UBAC2: variants seen among roughly 807,000 people sequenced by gnomAD.
The protein encoded by UBAC2 is ubiquitin-associated domain-containing protein 2.
In UBAC2, 26 loss-of-function variants were observed where a neutral mutation model predicts 44.0. The ratio of observed to expected loss-of-function variants is 0.59; its 90% confidence interval spans 0.43 to 0.82. The LOEUF is 0.82. Among genes scored for constraint, UBAC2 ranks in the 40% least tolerant of loss-of-function variants. UBAC2 has a pLI of 0.00. For missense variants in UBAC2, 329 were observed against 419.4 expected, an observed-to-expected ratio of 0.78 and a Z score of 1.88; for synonymous variants, 155 against 154.3, an observed-to-expected ratio of 1.00 and a Z score of -0.04.
At chr13:99,250,271 T>G (rs2043441336) in intron 4 of UBAC2, among the ~76,000 whole-genome samples, 1 of 152,232 alleles carries the variant, frequency 6.6e-6, no homozygotes. Context: ...TTTCATTTTC[T>G]GCATATGACT....
intron 1 of UBAC2, among the ~76,000 whole-genome samples, chr13:99,234,120 A>C (rs2043206532): frequency 1.4e-5 from 2 of 147,020 alleles, no homozygotes; most frequent in Non-Finnish European, 3.0e-5. Flanking sequence ...ATTGAGATGC[A>C]CTTTATTTTT....
chr13:99,204,383 CA>C (rs1259884164), intron 1 of UBAC2, among the ~76,000 whole-genome samples: 1 of 152,056 alleles, frequency 6.6e-6, no homozygotes, highest in African/African-American at 2.4e-5. Context: ...AGAGCCTGGA[CA>C]GGGCTTGGCA....
chr13:99,232,264 T>G (rs1048096240), intron 1 of UBAC2, among the ~76,000 whole-genome samples: 1 of 151,910 alleles, frequency 6.6e-6, no homozygotes, highest in African/African-American at 2.4e-5. Context: ...TATTCAAAAA[T>G]TTTAACTGAG....
At chr13:99,214,247 A>G (rs1169009089) in intron 1 of UBAC2, among the ~76,000 whole-genome samples, 3 of 145,998 alleles carry the variant, frequency 2.1e-5, no homozygotes, top group Non-Finnish European at 4.5e-5. Context: ...TTTTCCTGGA[A>G]TCCCTCCTGG....
intron 4 of UBAC2, among the ~76,000 whole-genome samples, chr13:99,303,668 A>G (rs1160475587): frequency 1.3e-5 from 2 of 152,218 alleles, no homozygotes; most frequent in Non-Finnish European, 2.9e-5. Flanking sequence ...CTCTGTGTCT[A>G]TAATATTTCT....
intron 4 of UBAC2, chr13:99,313,225 C>T (rs972157973): frequency 6.6e-6 from 1 of 152,166 alleles, no homozygotes; most frequent in African/African-American, 2.4e-5. Flanking sequence ...ACCTCATGAT[C>T]CGCCCGCCTC....
chr13:99,228,162 G>A (rs115487896), intron 1 of UBAC2, among the ~76,000 whole-genome samples: 1,784 of 152,234 alleles, frequency 0.012, 36 homozygotes, highest in African/African-American at 0.04. Flanking sequence ...CAAGCTGCCC[G>A]TTGCACTTAC....
intron 4 of UBAC2, among the ~76,000 whole-genome samples, chr13:99,274,213 C>T (rs1018827509): frequency 6.6e-6 from 1 of 152,052 alleles, no homozygotes; most frequent in African/African-American, 2.4e-5. Context: ...CTGTATCTTG[C>T]TTATTTTTTT....
Position 99,364,613 on chromosome 13 carries a change from C to A in UBAC2, c.808-3174C>A, listed in dbSNP as rs901519515. 3.9e-5 allele frequency among the ~76,000 whole-genome samples: 6 copies of A among 152,116 alleles called. No homozygotes were observed. The East Asian group carries it at 1.2e-3, about 29-fold the overall frequency. ...GTCATTAAAGATTTCATACACTTCA[C>A]CTGTAGGTTTTTGGTGGGTAGATTT... On this transcript the variant is annotated intron_variant, in intron 7 of 8. Coordinates refer to ENST00000403766, the MANE Select transcript of UBAC2 (RefSeq NM_001144072.2).
At chr13:99,288,507 TA>T (rs1414947399) in intron 4 of UBAC2, among the ~76,000 whole-genome samples, 1 of 152,224 alleles carries the variant, frequency 6.6e-6, no homozygotes, top group Admixed American at 6.5e-5. Flanking sequence ...TTCTTCTTTC[TA>T]ACAACTACAG....
At chr13:99,215,042 AAAT>A (rs2042976153) in intron 1 of UBAC2, among the ~76,000 whole-genome samples, 2 of 151,848 alleles carry the variant, frequency 1.3e-5, no homozygotes, top group African/African-American at 4.8e-5. Flanking sequence ...ACCACAGTGG[AAAT>A]AATGTCTGTA....
At chr13:99,314,775 G>C (rs1236317824) in intron 5 of UBAC2, 2 of 152,182 alleles carry the variant, frequency 1.3e-5, no homozygotes, top group Admixed American at 6.6e-5. Flanking sequence ...TACTGTCCAG[G>C]TTACATTTGA....
chr13:99,357,830 T>C (rs2045209495), intron 7 of UBAC2, among the ~76,000 whole-genome samples: 1 of 152,244 alleles, frequency 6.6e-6, no homozygotes, highest in South Asian at 2.1e-4. Context: ...AACTACAGTC[T>C]TGGCTAAGAA....
At chr13:99,238,088 C>G (rs1210000252) in intron 1 of UBAC2, among the ~76,000 whole-genome samples, 1 of 152,214 alleles carries the variant, frequency 6.6e-6, no homozygotes, top group Non-Finnish European at 1.5e-5. Flanking sequence ...CAGGAGCTAA[C>G]TGGCTGATTT....
At chr13:99,299,602 GAATA>G (rs1437881511) in intron 4 of UBAC2, among the ~76,000 whole-genome samples, 3 of 152,150 alleles carry the variant, frequency 2.0e-5, no homozygotes, top group East Asian at 3.8e-4. Context: ...TGACTGGAAT[GAATA>G]AATAGGTAAA....
At chr13:99,248,305 C>T (rs1246135881) in intron 4 of UBAC2, among the ~76,000 whole-genome samples, 6 of 152,052 alleles carry the variant, frequency 3.9e-5, no homozygotes, top group Non-Finnish European at 8.8e-5. Context: ...CTCACTGTCA[C>T]CTCAAACTCC....
chr13:99,271,790 G>A (rs1296660525), intron 4 of UBAC2, among the ~76,000 whole-genome samples: 2 of 152,030 alleles, frequency 1.3e-5, no homozygotes, highest in Non-Finnish European at 2.9e-5. Context: ...ATGTCCCCCA[G>A]CTCACAAAAG....
intron 4 of UBAC2, among the ~76,000 whole-genome samples, chr13:99,282,768 A>G (rs2043970544): frequency 6.6e-6 from 1 of 152,212 alleles, no homozygotes; most frequent in Non-Finnish European, 1.5e-5. Flanking sequence ...GATTTAGATC[A>G]TTGTATTGTT....
intron 6 of UBAC2, among the ~76,000 whole-genome samples, chr13:99,324,549 C>T (rs2044612374): frequency 6.6e-6 from 1 of 152,192 alleles, no homozygotes; most frequent in Non-Finnish European, 1.5e-5. Flanking sequence ...AATTTGTTAC[C>T]ACAGTATAAC....
Sources: allele counts gnomAD v4.1 joint callset (sites outside exome capture counted in the v4.1 genomes callset), GRCh38; gene constraint gnomAD v4.1.1; transcripts MANE v1.5; gene names NCBI Gene and HGNC (gene_info 2026-07-23, HGNC 2026-07-21).